FSHR: variants seen among roughly 807,000 people sequenced by gnomAD.
The protein encoded by FSHR is follicle stimulating hormone receptor.
In FSHR, 46 loss-of-function variants were observed where a neutral mutation model predicts 52.1. That is an observed-to-expected ratio of 0.88 (90% CI 0.70 to 1.13). The LOEUF is 1.13. Among genes scored for constraint, FSHR ranks in the 50% most tolerant of loss-of-function variants. FSHR has a pLI of 0.00. For missense variants in FSHR, 964 were observed against 834.6 expected (o/e 1.16, Z -1.91); for synonymous variants, 399 against 309.6 (o/e 1.29, Z -3.03).
At chr2:49,055,327 CA>C (rs1669015591) in intron 2 of FSHR, among the ~76,000 whole-genome samples, 1 of 150,758 alleles carries the variant, frequency 6.6e-6, no homozygotes, top group Admixed American at 6.6e-5. Flanking sequence ...TTTGAAAGAA[CA>C]CAGGCACAAT....
chr2:48,986,378 G>A (rs1249901229), intron 6 of FSHR, among the ~76,000 whole-genome samples: 1 of 145,366 alleles, frequency 6.9e-6, no homozygotes, highest in Admixed American at 7.1e-5. Flanking sequence ...ACAGTCATCA[G>A]CGCCATTTGC....
At chr2:49,084,178 A>G (rs1323292083) in intron 1 of FSHR, among the ~76,000 whole-genome samples, 1 of 152,232 alleles carries the variant, frequency 6.6e-6, no homozygotes, top group African/African-American at 2.4e-5. Flanking sequence ...ACTAGAACTC[A>G]GCATTAAGAA....
At chr2:49,139,598 A>T in intron 1 of FSHR, among the ~76,000 whole-genome samples, 1 of 139,258 alleles carries the variant, frequency 7.2e-6, no homozygotes, top group Non-Finnish European at 1.6e-5. Context: ...ACTTCCAAGA[A>T]TTTTTTTTTT....
chr2:49,009,507 C>T (rs1171764678), intron 4 of FSHR, among the ~76,000 whole-genome samples: 56 of 128,288 alleles, frequency 4.4e-4, no homozygotes, highest in African/African-American at 1.2e-3. Flanking sequence ...CTTGGTGATG[C>T]GGGCTCTTTT....
At chr2:49,127,830 C>CTTCCTCT in intron 1 of FSHR, among the ~76,000 whole-genome samples, 1 of 21,050 alleles carries the variant, frequency 4.8e-5, no homozygotes, top group African/African-American at 2.3e-4. Context: ...CTTCTTCTTC[C>CTTCCTCT]TCTTCTTCTT....
At chr2:48,988,286 C>G (rs181270815) in intron 6 of FSHR, among the ~76,000 whole-genome samples, 1 of 152,228 alleles carries the variant, frequency 6.6e-6, no homozygotes, top group Admixed American at 6.5e-5. Flanking sequence ...TCATATCTTA[C>G]AGATGTAAGT....
chr2:48,990,525 A>G (rs1488039303), intron 5 of FSHR, 41 bp downstream of exon 5: 1 of 1,276,046 alleles, frequency 7.8e-7, no homozygotes, highest in Non-Finnish European at 1.1e-6. Context: ...CAAGACAGAT[A>G]CTGAGTAAAG....
At chr2:49,134,857 T>C (rs1270694233) in intron 1 of FSHR, among the ~76,000 whole-genome samples, 1 of 152,084 alleles carries the variant, frequency 6.6e-6, no homozygotes, top group Non-Finnish European at 1.5e-5. Context: ...TAGGTGGGAA[T>C]TGAACAATGA....
intron 2 of FSHR, among the ~76,000 whole-genome samples, chr2:49,037,988 A>C (rs182916404): frequency 2.0e-5 from 3 of 152,326 alleles, no homozygotes; most frequent in Admixed American, 6.5e-5. Flanking sequence ...AAAATCTGAA[A>C]ACCCACCAGA....
intron 2 of FSHR, among the ~76,000 whole-genome samples, chr2:49,028,157 T>C (rs1667975253): frequency 6.6e-6 from 1 of 152,222 alleles, no homozygotes; most frequent in Admixed American, 6.5e-5. Flanking sequence ...ACAGGGACAG[T>C]AAAGTGGCCA....
In FSHR at chr2:48,972,955, G is replaced by A. The variant is rs1674809421; in HGVS notation, c.669-4072C>T. ...CCATTATCTCATATACTCTGTGGTA[G>A]ATTAAAGATGACTGCAAATTCTTTT... On this transcript the variant is annotated intron_variant, in intron 8 of 9. Coordinates refer to ENST00000406846, the MANE Select transcript of FSHR (RefSeq NM_000145.4). Among the ~76,000 whole-genome samples the A allele has an allele frequency of 2.0e-5, 3 of 152,116 alleles. No individual in the cohort carries two copies. In the South Asian group the frequency reaches 6.2e-4, roughly 32 times the overall value.
chr2:48,972,606 T>C (rs1674792301), intron 8 of FSHR, among the ~76,000 whole-genome samples: 1 of 152,182 alleles, frequency 6.6e-6, no homozygotes, highest in African/African-American at 2.4e-5. Flanking sequence ...TGTGACTGAG[T>C]TCTTATCTGT....
intron 4 of FSHR, among the ~76,000 whole-genome samples, chr2:48,996,484 G>C (rs910482477): frequency 6.6e-6 from 1 of 152,060 alleles, no homozygotes; most frequent in Non-Finnish European, 1.5e-5. Context: ...TCTATTTAAA[G>C]ACACCTTATT....
At chr2:49,028,724 A>G (rs965866261) in intron 2 of FSHR, among the ~76,000 whole-genome samples, 2 of 152,188 alleles carry the variant, frequency 1.3e-5, no homozygotes, top group African/African-American at 4.8e-5. Flanking sequence ...TTCACCCACC[A>G]TTGTGCTTCT....
At chr2:49,031,606 T>A (rs1020684660) in intron 2 of FSHR, among the ~76,000 whole-genome samples, 4 of 152,190 alleles carry the variant, frequency 2.6e-5, no homozygotes, top group Non-Finnish European at 4.4e-5. Flanking sequence ...GCACTCTAGT[T>A]CCAGGGGTCT....
intron 1 of FSHR, among the ~76,000 whole-genome samples, chr2:49,074,529 G>C (rs1669875484): frequency 6.6e-6 from 1 of 152,104 alleles, no homozygotes; most frequent in African/African-American, 2.4e-5. Context: ...ATGTTGGTGA[G>C]GATGAAGAGA....
chr2:49,109,630 A>G (rs1671354308), intron 1 of FSHR, among the ~76,000 whole-genome samples: 1 of 152,036 alleles, frequency 6.6e-6, no homozygotes, highest in Non-Finnish European at 1.5e-5. Context: ...ACATACTGAG[A>G]GCTGGTCAAA....
At chr2:49,110,846 A>T (rs1671398130) in intron 1 of FSHR, among the ~76,000 whole-genome samples, 1 of 152,122 alleles carries the variant, frequency 6.6e-6, no homozygotes, top group African/African-American at 2.4e-5. Flanking sequence ...TCGAAGAGTC[A>T]CCCAGACAAA....
chr2:49,058,760 T>A lies in FSHR; in HGVS notation c.224+9459A>T, dbSNP rs538986426. Reference sequence around the variant, plus strand: ...AATTTAACTCAAGTGGAAAAAGGCCTCTACAGGGAAAACCACAAAACACTA... The same window carrying A: ...AATTTAACTCAAGTGGAAAAAGGCCACTACAGGGAAAACCACAAAACACTA... On this transcript the variant is annotated intron_variant, in intron 2 of 9. Coordinates refer to ENST00000406846, the MANE Select transcript of FSHR (RefSeq NM_000145.4). Among the ~76,000 whole-genome samples, 11 of 152,102 alleles carry A rather than the reference T, an allele frequency of 7.2e-5. No homozygotes were observed. In the East Asian group the frequency reaches 1.9e-3, roughly 27 times the overall value.
Sources: gnomAD v4.1 joint callset for allele counts (sites outside exome capture counted in the v4.1 genomes callset) on GRCh38, gnomAD v4.1.1 for gene constraint, MANE v1.5 for transcripts, NCBI Gene and HGNC (gene_info 2026-07-23, HGNC 2026-07-21) for gene names.